Variants in NPHP3 observed in about 807,000 individuals in gnomAD.
The protein encoded by NPHP3 is nephrocystin 3, also known as nephrocystin-3.
In NPHP3, 123 loss-of-function variants were observed where a neutral mutation model predicts 171.9. The ratio of observed to expected loss-of-function variants is 0.72; its 90% CI spans 0.62 to 0.83. The LOEUF is 0.83. Among genes scored for constraint, NPHP3 ranks in the 40% least tolerant of loss-of-function variants. The pLI, the probability that NPHP3 is intolerant of heterozygous loss-of-function variation, is 0.00. For synonymous variants in NPHP3, 558 were observed against 579.2 expected (o/e 0.96, Z 0.52); for missense variants, 1,506 against 1,591.9 (o/e 0.95, Z 0.92).
rs1246747017 is a variant in NPHP3 at position 132,712,765 on chromosome 3, CA to C, written c.1118+360del. Among the ~76,000 whole-genome samples the C allele has an allele frequency of 4.9e-3, 642 of 130,860 alleles. 6 individuals carry two copies. The highest frequency in any genetic ancestry group is 0.017 in the African/African-American group (602 of 35,790). 85.8% of individuals were successfully genotyped at this position (130,860 alleles called of 152,430 possible). A position where few individuals can be genotyped will look rare whatever the true frequency, so the allele number is the denominator to read the frequency against. On this transcript the variant is annotated intron_variant, in intron 6 of 26. Transcript: ENST00000337331. Reference sequence around the variant, plus strand: ...TGGACGACAGAGCAAGACTCTGTCTCAAAAAAAAAAGAAAAAAAAATTTATA... The same window carrying C: ...TGGACGACAGAGCAAGACTCTGTCTCAAAAAAAAAGAAAAAAAAATTTATA...
At position 132,688,755 on chromosome 3, in the gene NPHP3, A is replaced by G. The variant is rs1939225674; in HGVS notation, c.3020T>C (p.Leu1007Pro). The change falls in exon 21 of 27, where the codon CTG (leucine) becomes CCG (proline). Residue 1007 changes from leucine to proline, a missense_variant. By Grantham distance (98) the Leu-to-Pro change is moderately conservative (BLOSUM62 -3). Coordinates refer to ENST00000337331, the MANE Select transcript of NPHP3 (RefSeq NM_153240.5). The stretch of plus-strand genomic sequence containing the variant: ...TGAGATTTCCAACGCCTGTTTATAC[A>G]GTTGTTCTGCATTGCCAAACTTCTT... Reference protein sequence around the residue: ...QWKKFGNAEQLYKQALEISEN... With the variant: ...QWKKFGNAEQPYKQALEISEN... 1 of 1,614,040 alleles carries G rather than the reference A, an allele frequency of 6.2e-7. No homozygotes were observed. The highest frequency in any genetic ancestry group is 8.5e-7 in the Non-Finnish European group (1 of 1,180,014).
chr3:132,690,228 C>T (rs969780771), intron 19 of NPHP3, among the ~76,000 whole-genome samples: 4 of 152,234 alleles, frequency 2.6e-5, no homozygotes, highest in African/African-American at 9.6e-5. Flanking sequence ...AAGAAGCAGA[C>T]ATTACGAACC....
rs752118322 is a variant in NPHP3 at position 132,686,384 on chromosome 3, C to T, written c.3205G>A (p.Gly1069Arg). Residue 1069 changes from glycine (G) to arginine (R), a missense_variant, in exon 23 of 27, where the codon GGA (glycine) becomes AGA (arginine). Coordinates refer to ENST00000337331, the MANE Select transcript of NPHP3 (RefSeq NM_153240.5). ...KAIKKKGNLY[G>R]FALLRRRALQ... ...GCCCGTCTACGTAAAAGGGCAAATC[C>T]GTACTGCAGCAAACATGAAAAATGA... 25 of 1,613,780 alleles carry T rather than the reference C, an allele frequency of 1.5e-5. No individual in the cohort carries two copies. The Admixed American group carries it at 2.0e-4, about 13-fold the overall frequency.
At chr3:132,699,051 C>A (rs1434427171) in intron 13 of NPHP3, among the ~76,000 whole-genome samples, 1 of 152,122 alleles carries the variant, frequency 6.6e-6, no homozygotes, top group East Asian at 1.9e-4. Flanking sequence ...CGCCACCATG[C>A]CCAGCTAATT....
chr3:132,686,476 C>T, intron 22 of NPHP3, 89 bp from the exon 23 acceptor site: 1 of 1,482,730 alleles, frequency 6.7e-7, no homozygotes, highest in South Asian at 1.2e-5. Flanking sequence ...AAAAAATCTT[C>T]CTTTTTTCCC....
At chr3:132,689,460 C>T (rs1450093579) in intron 19 of NPHP3, among the ~76,000 whole-genome samples, 197 bp from the exon 20 acceptor site, 1 of 152,124 alleles carries the variant, frequency 6.6e-6, no homozygotes, top group African/African-American at 2.4e-5. Context: ...GTTATCTGAC[C>T]TCTTAGACCT....
rs1244560325 is a variant in NPHP3 at position 132,681,770 on chromosome 3, TACA to T, written c.*137_*139del. 3.1e-5 allele frequency: 23 copies of T among 741,882 alleles called. No individual in the cohort carries two copies. The highest frequency in any genetic ancestry group is 3.0e-4 in the Middle Eastern group (1 of 3,292). The allele number at this position is 741,882 out of a possible 1,614,324, so 46.0% of individuals were successfully genotyped here. A position where few individuals can be genotyped will look rare whatever the true frequency, so the allele number is the denominator to read the frequency against. ...ACAATTCCAACTTAATGTAATCCAA[TACA>T]ACTTCATACAAATAGCAGTTAAATC... On this transcript the variant is annotated 3_prime_UTR_variant, in exon 27 of 27. Coordinates refer to ENST00000337331, the MANE Select transcript of NPHP3 (RefSeq NM_153240.5).
intron 7 of NPHP3, among the ~76,000 whole-genome samples, chr3:132,706,107 C>T (rs1483266768): frequency 6.6e-6 from 1 of 151,938 alleles, no homozygotes; most frequent in Non-Finnish European, 1.5e-5. Context: ...TGCCTGTAAT[C>T]CCAGCACTTT....
In NPHP3 at chr3:132,684,561, T is replaced by C. The variant is rs772079066; in HGVS notation, c.3563A>G (p.Lys1188Arg). ...YTVKHLAILY[K>R]KMGKLDKAVP... ...ATGTCAAAGCTTACTTACCATTTTCTTATACAAGATGGCAAGATGCTTCAC... is the reference window on the plus strand; with the variant it reads ...ATGTCAAAGCTTACTTACCATTTTCCTATACAAGATGGCAAGATGCTTCAC... Residue 1188 changes from lysine to arginine, a missense_variant, in exon 24 of 27, where the codon AAG (lysine) becomes AGG (arginine). By Grantham distance (26) the Lys-to-Arg change is conservative. Coordinates refer to ENST00000337331, the MANE Select transcript of NPHP3 (RefSeq NM_153240.5). 6.5e-5 allele frequency: 105 copies of C among 1,613,858 alleles called. 1 individual carries two copies. The highest frequency in any genetic ancestry group is 8.5e-5 in the Non-Finnish European group (100 of 1,179,908).
At chr3:132,717,028 A>G (rs912732803) in intron 3 of NPHP3, 119 bp from the exon 4 acceptor site, 2 of 1,105,116 alleles carry the variant, frequency 1.8e-6, no homozygotes, top group Admixed American at 4.3e-5. Flanking sequence ...CAAATATTCA[A>G]ATGATTTTGA....
intron 6 of NPHP3, chr3:132,712,539 G>A (rs1415696278): frequency 8.9e-6 from 4 of 451,748 alleles, no homozygotes; most frequent in East Asian, 7.0e-5. Context: ...GGCCAAGGCA[G>A]GGGGATCACA....
Position 132,719,701 on chromosome 3 carries a change from T to A in NPHP3, c.519+4A>T. On this transcript the variant is annotated splice_donor_region_variant and intron_variant, in intron 2 of 26. Transcript: ENST00000337331. ...CTTTGGGGGTAAAAATGTAAGGAATTTACCTTGAATTGCCTTTTAACTTTA... is the reference window on the plus strand; with the variant it reads ...CTTTGGGGGTAAAAATGTAAGGAATATACCTTGAATTGCCTTTTAACTTTA... 3.9e-6 allele frequency: 6 copies of A among 1,551,908 alleles called. No homozygotes were observed. The highest frequency in any genetic ancestry group is 5.2e-6 in the Non-Finnish European group (6 of 1,145,272).
At chr3:132,684,887 A>T in intron 23 of NPHP3, 93 bp from the exon 24 acceptor site, 1 of 1,405,552 alleles carries the variant, frequency 7.1e-7, no homozygotes, top group South Asian at 1.2e-5. Context: ...ACTCATCTTT[A>T]TTCTTAGATT....
intron 13 of NPHP3, among the ~76,000 whole-genome samples, chr3:132,698,402 C>T (rs749457069): frequency 9.9e-5 from 15 of 151,988 alleles, no homozygotes; most frequent in Non-Finnish European, 1.9e-4. Flanking sequence ...CTTAGCCTCC[C>T]GAGTAGATGG....
At chr3:132,685,920 A>G (rs746103738) in intron 23 of NPHP3, 2 of 296,534 alleles carry the variant, frequency 6.7e-6, no homozygotes, top group South Asian at 3.2e-5. Flanking sequence ...GCGTGGTGGC[A>G]TGCGCCTGTA....
chr3:132,721,390 T>A (rs1940213013), intron 1 of NPHP3: 1 of 177,828 alleles, frequency 5.6e-6, no homozygotes, highest in Non-Finnish European at 1.2e-5. Flanking sequence ...TCAAGACCAT[T>A]AAAATGCAAG....
Position 132,686,365 on chromosome 3 carries a change from C to T in NPHP3, c.3224G>A (p.Arg1075Lys), listed in dbSNP as rs1939164071. The change falls in exon 23 of 27, where the codon AGA (arginine) becomes AAA (lysine). Residue 1075 changes from arginine to lysine, a missense_variant. By Grantham distance (26) the Arg-to-Lys change is conservative. This residue lies in a region of NPHP3 where 569 missense variants were observed against 648.1 expected (regional missense o/e 0.88). Coordinates refer to ENST00000337331, the MANE Select transcript of NPHP3 (RefSeq NM_153240.5). ...GNLYGFALLR[R>K]RALQLEELTL... is the part of the protein sequence containing the mutation. Reference sequence around the variant, plus strand: ...AAGCTCTTCTAACTGTAAAGCCCGTCTACGTAAAAGGGCAAATCCGTACTG... The same window carrying T: ...AAGCTCTTCTAACTGTAAAGCCCGTTTACGTAAAAGGGCAAATCCGTACTG... The T allele has an allele frequency of 6.2e-7, 1 of 1,614,002 alleles. No individual in the cohort carries two copies. The highest frequency in any genetic ancestry group is 8.5e-7 in the Non-Finnish European group (1 of 1,179,950).
intron 26 of NPHP3, 135 bp downstream of exon 26, chr3:132,682,568 T>C: frequency 1.5e-6 from 1 of 666,010 alleles, no homozygotes; most frequent in Non-Finnish European, 2.7e-6. Flanking sequence ...TCAGTACTTC[T>C]TGAAGTCAGT....
intron 6 of NPHP3, among the ~76,000 whole-genome samples, chr3:132,712,658 C>T (rs1939944291): frequency 6.6e-6 from 1 of 151,996 alleles, no homozygotes; most frequent in Non-Finnish European, 1.5e-5. Flanking sequence ...CCCAGCTACT[C>T]AGGAGGCTGA....
Sources: allele counts gnomAD v4.1 joint callset (sites outside exome capture counted in the v4.1 genomes callset), GRCh38; gene constraint gnomAD v4.1.1; regional missense constraint gnomAD v4.1.1; transcripts MANE v1.5; gene names NCBI Gene and HGNC (gene_info 2026-07-23, HGNC 2026-07-21).